The following HIVEP3 variants were observed in gnomAD, a reference collection of about 807,000 sequenced individuals.
The protein encoded by HIVEP3 is HIVEP zinc finger 3.
A neutral mutation model predicts 152.8 loss-of-function variants in HIVEP3; 49 were observed. The ratio of observed to expected loss-of-function variants is 0.32; its 90% CI spans 0.26 to 0.41. HIVEP3 has a LOEUF of 0.41. Among genes scored for constraint, HIVEP3 ranks in the 10% least tolerant of loss-of-function variants. The pLI, the probability that HIVEP3 is intolerant of heterozygous loss-of-function variation, is 1.00. For synonymous variants in HIVEP3, 1,269 were observed against 1,289.0 expected (o/e 0.98, Z 0.33); for missense variants, 2,790 against 3,103.3 (o/e 0.90, Z 2.40).
rs1379821421 is a variant in HIVEP3 at position 41,873,032 on chromosome 1, T to C, written c.-801+45381A>G. Among the ~76,000 whole-genome samples the C allele has an allele frequency of 6.6e-6, 1 of 152,228 alleles. No homozygotes were observed. Among genetic ancestry groups the C allele is most frequent in the Non-Finnish European group, 1.5e-5 (1 of 68,040 alleles). ...CTATTAAAGGACTTACTGGATTTTATAAGGAAAAGAGGAAACGAGACGAAA... is the reference window on the plus strand; with the variant it reads ...CTATTAAAGGACTTACTGGATTTTACAAGGAAAAGAGGAAACGAGACGAAA... On this transcript the variant is annotated intron_variant, in intron 1 of 8. Coordinates refer to ENST00000372583, the MANE Select transcript of HIVEP3 (RefSeq NM_024503.5). This position sits in a 1 kb window ranked among gnomAD's most constrained non-coding sequence, Gnocchi z 4.2.
Position 41,582,983 on chromosome 1 carries a change from C to G in HIVEP3, c.1815G>C (p.Glu605Asp). 6.2e-7 allele frequency: 1 copy of G among 1,614,080 alleles called. No individual in the cohort carries two copies. Among genetic ancestry groups the G allele is most frequent in the Non-Finnish European group, 8.5e-7 (1 of 1,180,026 alleles). The change falls in exon 4 of 9, where the codon GAG becomes GAC. Residue 605 changes from glutamate to aspartate, a missense_variant. This residue lies in a region of HIVEP3 where 339 missense variants were observed against 327.0 expected (regional missense o/e 1.04). Coordinates refer to ENST00000372583, the MANE Select transcript of HIVEP3 (RefSeq NM_024503.5). This position sits in a 1 kb window ranked among gnomAD's most constrained non-coding sequence, Gnocchi z 4.7. ...CTGTGTCTTTGCTGCTTGGGCCAGG[C>G]TCCTCAGAACTGTATTCCCCTCCCA... ...LPLGGEYSSE[E>D]PGPSSKDTAS...
rs1644416023 is a variant in HIVEP3, at chr1:41,581,894, G to A, written c.2904C>T (p.Pro968=). The A allele has an allele frequency of 1.9e-6, 3 of 1,613,688 alleles. No individual in the cohort carries two copies. The highest frequency in any genetic ancestry group is 2.5e-6 in the Non-Finnish European group (3 of 1,179,724). ...TCAACATGTGGGTGCCCAGGGGTTT[G>A]GGGCGCATGTCAGATGAGGGACTGG... ...EAPSPSSDMR[P]KPLGTHMLTV... The change falls in exon 4 of 9, where the codon CCC becomes CCT. Residue 968 remains proline, a synonymous_variant. Coordinates refer to ENST00000372583, the MANE Select transcript of HIVEP3 (RefSeq NM_024503.5). This position sits in a 1 kb window ranked among gnomAD's most constrained non-coding sequence, Gnocchi z 4.5.
At chr1:41,892,419 A>G (rs553317844) in intron 1 of HIVEP3, among the ~76,000 whole-genome samples, 1 of 152,300 alleles carries the variant, frequency 6.6e-6, no homozygotes, top group South Asian at 2.1e-4. Flanking sequence ...GGCTCTGCTC[A>G]CATCTCACAT....
At chr1:41,829,298 AT>A (rs1348017703) in intron 1 of HIVEP3, among the ~76,000 whole-genome samples, 3 of 152,228 alleles carry the variant, frequency 2.0e-5, no homozygotes, top group Non-Finnish European at 2.9e-5. Context: ...CACACCAAAA[AT>A]ATCACATTGA....
At chr1:41,544,982 C>T (rs1268272788) in intron 5 of HIVEP3, among the ~76,000 whole-genome samples, 1 of 71,118 alleles carries the variant, frequency 1.4e-5, no homozygotes. Flanking sequence ...CCACTATCAC[C>T]GCCACCACCA....
intron 1 of HIVEP3, among the ~76,000 whole-genome samples, chr1:41,879,741 G>T (rs1644231453): frequency 6.6e-6 from 1 of 152,144 alleles, no homozygotes; most frequent in Non-Finnish European, 1.5e-5. Context: ...TGACTTAGGG[G>T]TACCACACTG....
intron 1 of HIVEP3, among the ~76,000 whole-genome samples, chr1:41,936,457 G>GA (rs1645020943): frequency 6.6e-6 from 1 of 152,180 alleles, no homozygotes; most frequent in Non-Finnish European, 1.5e-5. Context: ...TGTCCACCAG[G>GA]TGGAAAGCTC....
chr1:41,530,010 T>C (rs632166), intron 5 of HIVEP3, among the ~76,000 whole-genome samples: 68,946 of 144,554 alleles, frequency 0.48, 16,520 homozygotes, highest in African/African-American at 0.53. Context: ...CTTAGACTCA[T>C]TTGCACACTC....
In HIVEP3 at chr1:41,641,330, C is replaced by T. The variant is rs557707404; in HGVS notation, c.-720-12383G>A. On this transcript the variant is annotated intron_variant, in intron 2 of 8. Coordinates refer to ENST00000372583, the MANE Select transcript of HIVEP3 (RefSeq NM_024503.5). ...GAGGCAGAATTGCTTTCTGCCCACACGACAGCTGCCCCCTTAGCTAAGAGG... is the reference window on the plus strand; with the variant it reads ...GAGGCAGAATTGCTTTCTGCCCACATGACAGCTGCCCCCTTAGCTAAGAGG... Among the ~76,000 whole-genome samples, 7 of 152,330 alleles carry T rather than the reference C, an allele frequency of 4.6e-5. No homozygotes were observed. In the South Asian group the frequency reaches 6.2e-4, roughly 14 times the overall value.
chr1:41,740,455 A>C (rs1200773450), intron 1 of HIVEP3, among the ~76,000 whole-genome samples: 1 of 152,238 alleles, frequency 6.6e-6, no homozygotes, highest in African/African-American at 2.4e-5. Flanking sequence ...GGAAGCCCAA[A>C]GGTTCTGGAA....
intron 1 of HIVEP3, among the ~76,000 whole-genome samples, chr1:41,916,208 C>T (rs1644868702): frequency 6.6e-6 from 1 of 152,200 alleles, no homozygotes; most frequent in African/African-American, 2.4e-5. Flanking sequence ...CACACTTCTC[C>T]ACTCCAAGGA....
chr1:41,660,841 TTCTTAC>T (rs558045486), intron 2 of HIVEP3, among the ~76,000 whole-genome samples: 167 of 152,336 alleles, frequency 1.1e-3, no homozygotes, highest in African/African-American at 3.9e-3. Flanking sequence ...CAATTTGCCA[TTCTTAC>T]TCTAACAGGG....
intron 1 of HIVEP3, among the ~76,000 whole-genome samples, chr1:41,984,912 T>C (rs552257407): frequency 6.6e-6 from 1 of 150,900 alleles, no homozygotes; most frequent in African/African-American, 2.4e-5. Flanking sequence ...AACAAATAAA[T>C]ACAATGATTA....
At chr1:41,692,214 T>C (rs1030846431) in intron 2 of HIVEP3, among the ~76,000 whole-genome samples, 1 of 152,266 alleles carries the variant, frequency 6.6e-6, no homozygotes, top group Non-Finnish European at 1.5e-5. Context: ...TTCTGCCTTC[T>C]AGTTTCAGAT....
chr1:41,760,401 G>C (rs1230201212), intron 1 of HIVEP3, among the ~76,000 whole-genome samples: 1 of 152,074 alleles, frequency 6.6e-6, no homozygotes, highest in Admixed American at 6.6e-5. Context: ...TTCTGTCTCT[G>C]GGCTTCTCTG....
At chr1:41,653,663 T>C (rs566503280) in intron 2 of HIVEP3, among the ~76,000 whole-genome samples, 250 of 152,206 alleles carry the variant, frequency 1.6e-3, no homozygotes, top group African/African-American at 5.6e-3. Context: ...ATCTGGTGCC[T>C]CTCCTAGATT....
intron 5 of HIVEP3, among the ~76,000 whole-genome samples, chr1:41,545,211 GCCA>G (rs1334903488): frequency 3.7e-4 from 11 of 29,492 alleles, no homozygotes; most frequent in Admixed American, 2.6e-3. Context: ...CACCACTATC[GCCA>G]CCACCACCAT....
chr1:41,580,484 A>T lies in HIVEP3; in HGVS notation c.4314T>A (p.Leu1438=), dbSNP rs200413667. The part of the protein sequence containing the change: ...SKRVLSPAGS[L]ELTMETQQQK... ...GCTGCTGGGTTTCCATGGTAAGTTC[A>T]AGGCTGCCAGCTGGTGAAAGGACAC... The change falls in exon 4 of 9, where the codon CTT becomes CTA. Residue 1438 remains leucine, a synonymous_variant. Coordinates refer to ENST00000372583, the MANE Select transcript of HIVEP3 (RefSeq NM_024503.5). 2 of 1,614,120 alleles carry T rather than the reference A, an allele frequency of 1.2e-6. No individual in the cohort carries two copies. Among genetic ancestry groups the T allele is most frequent in the African/African-American group, 2.7e-5 (2 of 75,030 alleles).
At chr1:41,512,394 A>ATGAGTAAAAGCTGCT (rs1553217148) in intron 8 of HIVEP3, among the ~76,000 whole-genome samples, 3 of 152,178 alleles carry the variant, frequency 2.0e-5, no homozygotes, top group African/African-American at 7.2e-5. Flanking sequence ...GCCTTCTGCC[A>ATGAGTAAAAGCTGCT]TGAGTAAAAG....
Sources: allele counts gnomAD v4.1 joint callset (sites outside exome capture counted in the v4.1 genomes callset), GRCh38; gene constraint gnomAD v4.1.1; regional missense constraint gnomAD v4.1.1; non-coding constraint Gnocchi (gnomAD v3.1); transcripts MANE v1.5; gene names NCBI Gene and HGNC (gene_info 2026-07-23, HGNC 2026-07-21).